FAM120B: variants seen among roughly 807,000 people sequenced by gnomAD.
FAM120B encodes family with sequence similarity 120 member B, also known as constitutive coactivator of peroxisome proliferator-activated receptor gamma.
In FAM120B, 83 loss-of-function variants were observed where a neutral mutation model predicts 96.3. The ratio of observed to expected loss-of-function variants is 0.86; its 90% CI spans 0.72 to 1.03. The LOEUF is 1.03. FAM120B is among the 50% of genes least tolerant of loss of function. The probability of loss-of-function intolerance (pLI) is 0.00; values close to 1 mark genes in which losing one functional copy is unlikely to be tolerated. For missense variants in FAM120B, 1,027 were observed against 1,121.2 expected, an observed-to-expected ratio of 0.92 and a Z score of 1.20; for synonymous variants, 407 against 402.7, an observed-to-expected ratio of 1.01 and a Z score of -0.13.
At chr6:170,376,616 A>G (rs1345586486) in intron 6 of FAM120B, among the ~76,000 whole-genome samples, 1 of 152,192 alleles carries the variant, frequency 6.6e-6, no homozygotes, top group Non-Finnish European at 1.5e-5. Context: ...AACCTTGGTC[A>G]CTGCTCACCT....
intron 6 of FAM120B, among the ~76,000 whole-genome samples, chr6:170,366,015 T>A (rs543719662): frequency 2.0e-5 from 3 of 152,220 alleles, no homozygotes; most frequent in African/African-American, 4.8e-5. Context: ...GAGCTGTTTC[T>A]TGTTCTCTGT....
Position 170,396,414 on chromosome 6 carries a change from A to C in FAM120B, c.2692+835A>C, listed in dbSNP as rs544445615. On this transcript the variant is annotated intron_variant, in intron 9 of 10. Transcript: ENST00000476287. ...TACAGTCAGCAAACATTGCGAGTCC[A>C]CTGTATTGCTGACTGTAGATGAGAA... Among the ~76,000 whole-genome samples, 106 of 152,278 alleles carry C rather than the reference A, an allele frequency of 7.0e-4. 1 individual carries two copies. Among genetic ancestry groups the C allele is most frequent in the African/African-American group, 2.5e-3 (105 of 41,552 alleles).
rs538861794 is a variant in FAM120B at position 170,299,578 on chromosome 6, T to C, written c.48+4125T>C. 3.9e-5 allele frequency among the ~76,000 whole-genome samples: 6 copies of C among 152,354 alleles called. No homozygotes were observed. The South Asian group carries it at 8.3e-4, about 21-fold the overall frequency. On this transcript the variant is annotated intron_variant, in intron 1 of 10. Transcript: ENST00000537664. ...CTTTCAAGATTCTCCATCCTTTACT[T>C]CCTGTTGTCTGTTGTCTGAAAATAG...
intron 6 of FAM120B, among the ~76,000 whole-genome samples, chr6:170,378,753 T>A (rs979785927): frequency 1.3e-5 from 2 of 152,206 alleles, no homozygotes. Context: ...AGCCCTGAGC[T>A]CCTGGTTGTG....
chr6:170,319,149 T>C (rs1343525254), intron 2 of FAM120B, 25 bp downstream of exon 2: 8 of 1,516,944 alleles, frequency 5.3e-6, no homozygotes, highest in African/African-American at 4.2e-5. Flanking sequence ...CCAGCCAATA[T>C]GCCATGATTG....
intron 1 of FAM120B, among the ~76,000 whole-genome samples, chr6:170,316,640 A>G (rs1784919672): frequency 6.6e-6 from 1 of 152,226 alleles, no homozygotes; most frequent in Non-Finnish European, 1.5e-5. Context: ...CAGATACTAC[A>G]ACATTTGGCA....
chr6:170,367,215 T>C (rs970524542), intron 6 of FAM120B, among the ~76,000 whole-genome samples: 2 of 152,238 alleles, frequency 1.3e-5, no homozygotes, highest in African/African-American at 2.4e-5. Flanking sequence ...TAAATGATAA[T>C]GATACTCTCA....
chr6:170,383,051 G>T (rs1790001830), intron 6 of FAM120B, among the ~76,000 whole-genome samples: 1 of 150,018 alleles, frequency 6.7e-6, no homozygotes, highest in South Asian at 2.1e-4. Flanking sequence ...GAGGAAGGCA[G>T]CCTATTTAGC....
intron 9 of FAM120B, among the ~76,000 whole-genome samples, chr6:170,403,071 G>C (rs1453145556): frequency 1.3e-5 from 2 of 152,228 alleles, no homozygotes; most frequent in African/African-American, 4.8e-5. Flanking sequence ...GTTTAGGAAT[G>C]AGAGTGGGAG....
chr6:170,298,289 G>A (rs1368299740), intron 1 of FAM120B: 1 of 151,790 alleles, frequency 6.6e-6, no homozygotes, highest in Non-Finnish European at 1.5e-5. Context: ...GTATCAGAGG[G>A]GAAAAAAAAG....
At chr6:170,404,642 T>A in intron 10 of FAM120B, 41 bp downstream of exon 10, 22 of 1,441,508 alleles carry the variant, frequency 1.5e-5, no homozygotes, top group Non-Finnish European at 2.1e-5. Context: ...ATCAGTCACA[T>A]GTCTGTCTTA....
At chr6:170,334,782 A>G (rs1786301930) in intron 4 of FAM120B, among the ~76,000 whole-genome samples, 1 of 152,232 alleles carries the variant, frequency 6.6e-6, no homozygotes, top group Non-Finnish European at 1.5e-5. Context: ...CACAAGGGTT[A>G]AATTTTGCAT....
chr6:170,300,619 T>C (rs1284750644), intron 1 of FAM120B, among the ~76,000 whole-genome samples: 3 of 152,180 alleles, frequency 2.0e-5, no homozygotes, highest in Non-Finnish European at 4.4e-5. Flanking sequence ...CTCTTCCACC[T>C]ATAAGCCTGC....
chr6:170,308,521 G>A (rs1388989606), intron 1 of FAM120B, among the ~76,000 whole-genome samples: 2 of 152,124 alleles, frequency 1.3e-5, no homozygotes, highest in African/African-American at 4.8e-5. Flanking sequence ...CCTGGAACCT[G>A]AATCTGGATA....
chr6:170,292,540 G>A (rs1187869121), upstream of FAM120B, among the ~76,000 whole-genome samples: 1 of 152,216 alleles, frequency 6.6e-6, no homozygotes, highest in Non-Finnish European at 1.5e-5. The surrounding 1 kb of genome is among the most constrained non-coding windows in gnomAD (Gnocchi z 6.6). Flanking sequence ...GTGTGTTAGA[G>A]CTGCCTTATT....
At chr6:170,334,623 G>T (rs16901334) in intron 4 of FAM120B, among the ~76,000 whole-genome samples, 14,860 of 151,932 alleles carry the variant, frequency 0.098, 1,042 homozygotes, top group African/African-American at 0.19. Context: ...CCTTGGTGAG[G>T]CTCTGCTCAT....
chr6:170,353,206 A>G (rs531601779), intron 5 of FAM120B, among the ~76,000 whole-genome samples: 1 of 152,308 alleles, frequency 6.6e-6, no homozygotes, highest in South Asian at 2.1e-4. Flanking sequence ...GACCAATTGA[A>G]TCCCTGAGTA....
chr6:170,351,494 A>T (rs755308031), intron 5 of FAM120B, among the ~76,000 whole-genome samples: 1 of 152,216 alleles, frequency 6.6e-6, no homozygotes, highest in Non-Finnish European at 1.5e-5. Context: ...ACACATAATC[A>T]TCAGATTCTC....
At chr6:170,319,787 T>C (rs1452805708) in intron 2 of FAM120B, among the ~76,000 whole-genome samples, 1 of 152,228 alleles carries the variant, frequency 6.6e-6, no homozygotes, top group East Asian at 1.9e-4. Context: ...ACTAAAGGTG[T>C]AGCGTTTTGA....
Sources: allele counts gnomAD v4.1 joint callset (sites outside exome capture counted in the v4.1 genomes callset), GRCh38; gene constraint gnomAD v4.1.1; non-coding constraint Gnocchi (gnomAD v3.1); transcripts MANE v1.5; gene names NCBI Gene and HGNC (gene_info 2026-07-23, HGNC 2026-07-21).